The following AP3B1 variants were observed in gnomAD, a reference collection of about 807,000 sequenced individuals.
The protein encoded by AP3B1 is adaptor related protein complex 3 subunit beta 1, also known as AP-3 complex subunit beta-1.
A neutral mutation model predicts 132.5 loss-of-function variants in AP3B1; 61 were observed. The ratio of observed to expected loss-of-function variants is 0.46; its 90% confidence interval spans 0.37 to 0.57. The LOEUF is 0.57. Among genes scored for constraint, AP3B1 ranks in the 20% least tolerant of loss-of-function variants. The pLI is 0.00. For synonymous variants in AP3B1, 388 were observed against 438.3 expected, an observed-to-expected ratio of 0.89 and a Z score of 1.43; for missense variants, 1,120 against 1,289.4, an observed-to-expected ratio of 0.87 and a Z score of 2.01.
At chr5:78,253,968 A>G (rs1343462536) in intron 2 of AP3B1, among the ~76,000 whole-genome samples, 1 of 151,982 alleles carries the variant, frequency 6.6e-6, no homozygotes, top group East Asian at 1.9e-4. Flanking sequence ...AAAAAAAAAA[A>G]AAAAAGAATT....
At chr5:78,072,479 T>C (rs1269663781) in intron 22 of AP3B1, among the ~76,000 whole-genome samples, 2 of 152,154 alleles carry the variant, frequency 1.3e-5, no homozygotes, top group African/African-American at 4.8e-5. Flanking sequence ...TAAAGGTATA[T>C]GCCTTCTGAA....
chr5:78,200,485 C>T (rs551543959), intron 7 of AP3B1, among the ~76,000 whole-genome samples: 3 of 152,026 alleles, frequency 2.0e-5, no homozygotes, highest in Non-Finnish European at 4.4e-5. Context: ...TGGTGAAACC[C>T]CATCTCTACT....
At chr5:78,122,683 A>C (rs945243174) in intron 17 of AP3B1, among the ~76,000 whole-genome samples, 19 of 152,196 alleles carry the variant, frequency 1.2e-4, no homozygotes, top group Admixed American at 1.3e-4. Context: ...ACCACTGCTC[A>C]ATGAAATAAA....
chr5:78,043,891 G>A, intron 22 of AP3B1: 1 of 350,410 alleles, frequency 2.9e-6, no homozygotes, highest in South Asian at 2.8e-5. Flanking sequence ...CTCCTAATTT[G>A]GGAACCATTA....
At chr5:78,215,167 G>A (rs922182652) in intron 7 of AP3B1, among the ~76,000 whole-genome samples, 8 of 151,168 alleles carry the variant, frequency 5.3e-5, no homozygotes, top group African/African-American at 1.9e-4. Flanking sequence ...TCATAAGTAT[G>A]TATACAGACC....
intron 26 of AP3B1, among the ~76,000 whole-genome samples, chr5:78,009,605 G>C (rs1247325048): frequency 6.6e-6 from 1 of 152,134 alleles, no homozygotes; most frequent in African/African-American, 2.4e-5. Context: ...TGGATACACT[G>C]TTTCACTCAC....
intron 22 of AP3B1, among the ~76,000 whole-genome samples, chr5:78,070,409 G>GAA (rs70997966): frequency 3.0e-5 from 4 of 131,380 alleles, no homozygotes; most frequent in Non-Finnish European, 4.8e-5. Context: ...TCCATCTCAA[G>GAA]AAAAAAAAAA....
chr5:78,075,329 T>C (rs2112170652), intron 22 of AP3B1, among the ~76,000 whole-genome samples: 1 of 152,338 alleles, frequency 6.6e-6, no homozygotes, highest in East Asian at 1.9e-4. Context: ...TTTAGTAGAT[T>C]TCAGATGGAG....
chr5:78,226,215 C>T (rs781289872), intron 5 of AP3B1, among the ~76,000 whole-genome samples: 14 of 151,936 alleles, frequency 9.2e-5, no homozygotes, highest in Admixed American at 1.3e-4. Flanking sequence ...ACTTTTAAGC[C>T]GTTAGAGTGA....
intron 2 of AP3B1, among the ~76,000 whole-genome samples, chr5:78,257,081 ACTGAAAGTCTTTCCTATAAGCT>A (rs1364810251): frequency 3.3e-5 from 5 of 152,142 alleles, no homozygotes; most frequent in Non-Finnish European, 7.4e-5. Context: ...ATGGGAAAAA[ACTGAAAGTCTTTCCTATAAGCT>A]CTGGAACACG....
intron 7 of AP3B1, 85 bp downstream of exon 7, chr5:78,215,970 A>T: frequency 7.8e-7 from 1 of 1,287,118 alleles, no homozygotes; most frequent in South Asian, 1.2e-5. Context: ...TCTCTAGTTT[A>T]CTACTCCTAA....
chr5:78,127,989 C>A (rs1312414265), intron 17 of AP3B1, 41 bp downstream of exon 17: 2 of 1,607,198 alleles, frequency 1.2e-6, no homozygotes, highest in Non-Finnish European at 1.7e-6. Context: ...CTAGAGTCTT[C>A]CACTGCTTTG....
At chr5:78,128,949 A>G (rs1561427298) in intron 16 of AP3B1, among the ~76,000 whole-genome samples, 172 bp downstream of exon 16, 1 of 152,142 alleles carries the variant, frequency 6.6e-6, no homozygotes, top group Admixed American at 6.6e-5. Flanking sequence ...CTTTAATATA[A>G]AACTTGCTTT....
At chr5:78,290,418 T>A (rs1304648006) in intron 1 of AP3B1, among the ~76,000 whole-genome samples, 1 of 152,054 alleles carries the variant, frequency 6.6e-6, no homozygotes, top group African/African-American at 2.4e-5. Context: ...CAAGATGCTC[T>A]CAAAGGAAAA....
intron 6 of AP3B1, among the ~76,000 whole-genome samples, chr5:78,224,304 C>T (rs754912506): frequency 6.6e-6 from 1 of 151,572 alleles, no homozygotes; most frequent in Non-Finnish European, 1.5e-5. Flanking sequence ...ACTAAATGGT[C>T]TAGGAATGAA....
intron 17 of AP3B1, among the ~76,000 whole-genome samples, chr5:78,119,057 C>T (rs1752015848): frequency 1.3e-5 from 2 of 152,176 alleles, no homozygotes; most frequent in Non-Finnish European, 2.9e-5. Flanking sequence ...CTGCACCCAC[C>T]GCTGCTGATA....
chr5:78,270,252 T>C (rs1027172325), intron 1 of AP3B1, among the ~76,000 whole-genome samples: 3 of 152,022 alleles, frequency 2.0e-5, no homozygotes, highest in African/African-American at 7.2e-5. Context: ...TTGTATTTTG[T>C]AGAAGTATCC....
At chr5:78,216,984 C>A (rs1038615096) in intron 6 of AP3B1, among the ~76,000 whole-genome samples, 5 of 152,012 alleles carry the variant, frequency 3.3e-5, no homozygotes, top group African/African-American at 7.2e-5. Flanking sequence ...TCTAAAGACA[C>A]AAACTAAGCA....
chr5:78,033,464 A>G (rs1264782552), intron 24 of AP3B1, among the ~76,000 whole-genome samples: 1 of 152,068 alleles, frequency 6.6e-6, no homozygotes, highest in East Asian at 1.9e-4. Flanking sequence ...GTATATGAAA[A>G]TGAAAAGTTC....
Sources: allele counts gnomAD v4.1 joint callset (sites outside exome capture counted in the v4.1 genomes callset), GRCh38; gene constraint gnomAD v4.1.1; transcripts MANE v1.5; gene names NCBI Gene and HGNC (gene_info 2026-07-23, HGNC 2026-07-21).